Variants in CD101 observed in about 807,000 individuals in gnomAD.
CD101 encodes the protein CD101 molecule.
In CD101, 76 loss-of-function variants were observed where a neutral mutation model predicts 98.2. The ratio of observed to expected loss-of-function variants is 0.77; its 90% CI spans 0.64 to 0.94. CD101 has a LOEUF of 0.94. Among genes scored for constraint, CD101 ranks in the 40% least tolerant of loss-of-function variants. CD101 has a pLI of 0.00. For missense variants in CD101, 1,145 were observed against 1,218.8 expected (o/e 0.94, Z 0.90); for synonymous variants, 471 against 472.7 (o/e 1.00, Z 0.05).
Position 117,013,552 on chromosome 1 carries a change from G to T in CD101, c.988G>T (p.Asp330Tyr). ...CAATGGGACTGAAATTGCTCACATT[G>T]ATGCTGGTGGAGTCCTGGGCCTGAA... ...FFNGTEIAHIDAGGVLGLKND... is the reference protein window; with the variant it reads ...FFNGTEIAHIYAGGVLGLKND... Residue 330 changes from aspartate to tyrosine, a missense_variant, in exon 4 of 10, where the codon GAT (aspartate) becomes TAT (tyrosine). By Grantham distance (160) the Asp-to-Tyr change is radical (BLOSUM62 -3). Transcript: ENST00000682167. The T allele has an allele frequency of 1.2e-6, 2 of 1,614,212 alleles. No homozygotes were observed. The highest frequency in any genetic ancestry group is 1.1e-5 in the South Asian group (1 of 91,082).
intron 9 of CD101, among the ~76,000 whole-genome samples, chr1:117,035,220 A>AC (rs34049179): frequency 0.058 from 8,892 of 152,248 alleles, 316 homozygotes; most frequent in East Asian, 0.13. Context: ...GTGCCACCTA[A>AC]AGACTTGAGA....
intron 8 of CD101, chr1:117,026,229 AG>A: frequency 4.2e-6 from 1 of 238,250 alleles, no homozygotes; most frequent in Non-Finnish European, 8.2e-6. Flanking sequence ...TTGGAGAAGT[AG>A]GGGTGTGGTC....
Position 117,020,796 on chromosome 1 carries a change from G to A in CD101, c.2018-777G>A, listed in dbSNP as rs112807525. ...GGAATTGTCTGGCACATAATATAGT[G>A]TGTGCTTCATAAATATTTGTTGAAG... On this transcript the variant is annotated intron_variant, in intron 6 of 9. Transcript: ENST00000682167. Among the ~76,000 whole-genome samples the A allele has an allele frequency of 2.5e-3, 377 of 152,300 alleles. 1 individual carries two copies. The highest frequency in any genetic ancestry group is 4.5e-3 in the Non-Finnish European group (309 of 68,038).
At position 117,004,270 on chromosome 1, in the gene CD101, T is replaced by C. The variant is rs1160530831; in HGVS notation, c.43+2410T>C. Among the ~76,000 whole-genome samples the C allele has an allele frequency of 6.6e-6, 1 of 152,182 alleles. No individual in the cohort carries two copies. Among genetic ancestry groups the C allele is most frequent in the Non-Finnish European group, 1.5e-5 (1 of 68,028 alleles). ...TCCAAGCATATAGGGTTTTTGAATG[T>C]GAAAAGAGAAAGAAGCTGCTTGTTA... On this transcript the variant is annotated intron_variant, in intron 1 of 9. Coordinates refer to ENST00000682167, the MANE Select transcript of CD101 (RefSeq NM_001256106.3). This position sits in a 1 kb window ranked among gnomAD's most constrained non-coding sequence, Gnocchi z 4.1.
Position 117,018,422 on chromosome 1 carries a change from G to A in CD101, c.1879G>A (p.Val627Ile). The A allele has an allele frequency of 6.2e-7, 1 of 1,614,162 alleles. No individual in the cohort carries two copies. The highest frequency in any genetic ancestry group is 1.1e-5 in the South Asian group (1 of 91,076). ...GTCTTTATTTCGTTCACAACTCCTA[G>A]TCCATGATGCCACTGAGGAAGAGAC... ...SQSLFRSQLL[V>I]HDATEEETGV... The change falls in exon 6 of 10, where the codon GTC (valine) becomes ATC (isoleucine). Residue 627 changes from valine (V) to isoleucine (I), a missense_variant. By Grantham distance (29) the Val-to-Ile change is conservative (BLOSUM62 3). Transcript: ENST00000682167. This position sits in a 1 kb window ranked among gnomAD's most constrained non-coding sequence, Gnocchi z 4.3.
Position 117,013,608 on chromosome 1 carries a change from A to G in CD101, c.1044A>G (p.Gly348=). 6.2e-7 allele frequency: 1 copy of G among 1,614,192 alleles called. No individual in the cohort carries two copies. Among genetic ancestry groups the G allele is most frequent in the Non-Finnish European group, 8.5e-7 (1 of 1,180,026 alleles). Residue 348 remains glycine, a synonymous_variant, in exon 4 of 10, where the codon GGA becomes GGG. Coordinates refer to ENST00000682167, the MANE Select transcript of CD101 (RefSeq NM_001256106.3). ...KNDYKERASQ[G]ELQVSKLGPK... ...ACTACAAAGAGAGAGCAAGTCAAGGAGAGCTCCAGGTTTCAAAGTTAGGCC... is the reference window on the plus strand; with the variant it reads ...ACTACAAAGAGAGAGCAAGTCAAGGGGAGCTCCAGGTTTCAAAGTTAGGCC...
chr1:117,011,830 C>G lies in CD101; in HGVS notation c.705C>G (p.Ser235=), dbSNP rs991489719. 3 of 1,614,144 alleles carry G rather than the reference C, an allele frequency of 1.9e-6. No homozygotes were observed. Among genetic ancestry groups the G allele is most frequent in the African/African-American group, 2.7e-5 (2 of 75,038 alleles). ...NKLGPTTFRL[S]IERLQSSDQG... ...TGGGACCCACTACATTCAGGCTGTC[C>G]ATAGAGAGGCTCCAGTCCTCAGATC... The change falls in exon 3 of 10, where the codon TCC becomes TCG. Residue 235 remains serine, a synonymous_variant. Coordinates refer to ENST00000682167, the MANE Select transcript of CD101 (RefSeq NM_001256106.3).
intron 8 of CD101, chr1:117,026,842 T>A (rs944826966): frequency 2.0e-5 from 3 of 152,180 alleles, no homozygotes; most frequent in Non-Finnish European, 4.4e-5. Context: ...AAAACCTTTG[T>A]CATGACAAAC....
chr1:117,029,968 A>G (rs1654340563), intron 8 of CD101, among the ~76,000 whole-genome samples: 1 of 152,234 alleles, frequency 6.6e-6, no homozygotes, highest in African/African-American at 2.4e-5. Flanking sequence ...TAGACCCTAG[A>G]CATTAAATGT....
chr1:117,029,246 A>AG (rs1654265748), intron 8 of CD101, among the ~76,000 whole-genome samples: 1 of 147,498 alleles, frequency 6.8e-6, no homozygotes, highest in African/African-American at 2.7e-5. Flanking sequence ...AGAAAGAAAG[A>AG]AAGAAAGAAA....
At chr1:117,009,715 C>A in intron 1 of CD101, 135 bp from the exon 2 acceptor site, 1 of 869,012 alleles carries the variant, frequency 1.2e-6, no homozygotes, top group Non-Finnish European at 1.7e-6. Flanking sequence ...AGATGTTGAA[C>A]ATTTGAGTCA....
rs78477372 is a variant in CD101 at position 117,018,214 on chromosome 1, C to G, written c.1671C>G (p.Thr557=). The change falls in exon 6 of 10, where the codon ACC becomes ACG. Residue 557 remains threonine, a synonymous_variant. Transcript: ENST00000682167. The surrounding 1 kb of genome is among the most constrained non-coding windows in gnomAD (Gnocchi z 4.3). ...AGCCGCAAGTGATGTTAACCAACAC[C>G]TTTGACCTGTCCTGTGTCGTGAGGG... The part of the protein sequence containing the change: ...SRQPQVMLTN[T]FDLSCVVRAG... The G allele has an allele frequency of 1.2e-6, 2 of 1,613,946 alleles. No individual in the cohort carries two copies. Among genetic ancestry groups the G allele is most frequent in the Admixed American group, 3.3e-5 (2 of 59,986 alleles).
At position 117,006,715 on chromosome 1, in the gene CD101, C is replaced by T. The variant is rs138378211; in HGVS notation, c.44-3135C>T. ...CCATCTCCATAAACCTATTTCCCTCCCCTCAAAATGTAGTCCCTCTTCAAA... is the reference window on the plus strand; with the variant it reads ...CCATCTCCATAAACCTATTTCCCTCTCCTCAAAATGTAGTCCCTCTTCAAA... On this transcript the variant is annotated intron_variant, in intron 1 of 9. Coordinates refer to ENST00000682167, the MANE Select transcript of CD101 (RefSeq NM_001256106.3). This position sits in a 1 kb window ranked among gnomAD's most constrained non-coding sequence, Gnocchi z 4.4. Among the ~76,000 whole-genome samples the T allele has an allele frequency of 1.3e-5, 2 of 151,932 alleles. No individual in the cohort carries two copies. Among genetic ancestry groups the T allele is most frequent in the Non-Finnish European group, 2.9e-5 (2 of 68,006 alleles).
chr1:117,032,237 A>C (rs920195358), intron 8 of CD101: 6 of 152,348 alleles, frequency 3.9e-5, no homozygotes, highest in African/African-American at 1.4e-4. Context: ...ATGTTCAGTG[A>C]TGATCTGTAC....
In CD101 at chr1:117,013,559, G is replaced by A; in HGVS notation, c.995G>A (p.Gly332Asp). Residue 332 changes from glycine to aspartate, a missense_variant, in exon 4 of 10, where the codon GGT (glycine) becomes GAT (aspartate). Physicochemically the swap from Gly to Asp is moderately conservative, Grantham distance 94. Transcript: ENST00000682167. ...NGTEIAHIDA[G>D]GVLGLKNDYK... The stretch of plus-strand genomic sequence containing the variant: ...ACTGAAATTGCTCACATTGATGCTG[G>A]TGGAGTCCTGGGCCTGAAGAATGAC... The A allele has an allele frequency of 1.2e-6, 2 of 1,614,194 alleles. No homozygotes were observed. Among genetic ancestry groups the A allele is most frequent in the Non-Finnish European group, 1.7e-6 (2 of 1,180,032 alleles).
At chr1:117,032,096 A>T (rs1386495762) in intron 8 of CD101, 1 of 152,258 alleles carries the variant, frequency 6.6e-6, no homozygotes, top group Non-Finnish European at 1.5e-5. Flanking sequence ...TTCAAAACCT[A>T]ACTTTATCAT....
Position 117,010,052 on chromosome 1 carries a change from C to T in CD101, c.246C>T (p.Tyr82=), listed in dbSNP as rs749117063. The T allele has an allele frequency of 8.1e-6, 13 of 1,614,062 alleles. No homozygotes were observed. The African/African-American group carries it at 9.3e-5, about 12-fold the overall frequency. ...GCACCAAGGATGCTGCCTTCTCTTA[C>T]GCAGTATATACGCAGCGGGTGCGAA... ...IISTKDAAFS[Y]AVYTQRVRSG... The change falls in exon 2 of 10, where the codon TAC becomes TAT. Residue 82 remains tyrosine (Y), a synonymous_variant. Transcript: ENST00000682167. The surrounding 1 kb of genome is among the most constrained non-coding windows in gnomAD (Gnocchi z 5.2).
chr1:117,017,248 A>T lies in CD101; in HGVS notation c.1387A>T (p.Met463Leu), dbSNP rs1034461311. The change falls in exon 5 of 10, where the codon ATG becomes TTG. Residue 463 changes from methionine to leucine, a missense_variant. By Grantham distance (15) the Met-to-Leu change is conservative (BLOSUM62 2). Coordinates refer to ENST00000682167, the MANE Select transcript of CD101 (RefSeq NM_001256106.3). ...DQTQPEFVAG[M>L]GQDGIVQLGA... ...GACACAGCCCGAGTTTGTGGCTGGCATGGGGCAGGATGGCATTGTGCAGCT... is the reference window on the plus strand; with the variant it reads ...GACACAGCCCGAGTTTGTGGCTGGCTTGGGGCAGGATGGCATTGTGCAGCT... 6.2e-7 allele frequency: 1 copy of T among 1,614,066 alleles called. No homozygotes were observed. The highest frequency in any genetic ancestry group is 8.5e-7 in the Non-Finnish European group (1 of 1,180,022).
At chr1:117,011,230 T>C (rs1004215711) in intron 2 of CD101, among the ~76,000 whole-genome samples, 2 of 152,150 alleles carry the variant, frequency 1.3e-5, no homozygotes, top group African/African-American at 2.4e-5. Flanking sequence ...GAATCTAAGG[T>C]TTCTCTGTCC....
Sources: allele counts gnomAD v4.1 joint callset (sites outside exome capture counted in the v4.1 genomes callset), GRCh38; gene constraint gnomAD v4.1.1; non-coding constraint Gnocchi (gnomAD v3.1); transcripts MANE v1.5; gene names NCBI Gene and HGNC (gene_info 2026-07-23, HGNC 2026-07-21).